P2RY6: variants seen among roughly 807,000 people sequenced by gnomAD.
The protein encoded by P2RY6 is pyrimidinergic receptor P2Y6, also known as P2Y purinoceptor 6.
P2RY6 carries 19 observed loss-of-function variants against 16.3 expected under a neutral mutation model. The observed-to-expected ratio is 1.16, with a 90% confidence interval of 0.81 to 1.71. The LOEUF is 1.71. Among genes scored for constraint, P2RY6 ranks in the 40% most tolerant of loss-of-function variants. P2RY6 has a pLI of 0.00. For missense variants in P2RY6, 389 were observed against 455.5 expected (o/e 0.85, Z 1.33); for synonymous variants, 184 against 201.5 (o/e 0.91, Z 0.74).
intron 1 of P2RY6, among the ~76,000 whole-genome samples, chr11:73,280,812 G>A (rs1452799524): frequency 6.6e-6 from 1 of 152,218 alleles, no homozygotes; most frequent in Non-Finnish European, 1.5e-5. Flanking sequence ...GGGCAGGAAT[G>A]GGAGCTGAGA....
chr11:73,290,278 G>A (rs996073303), intron 1 of P2RY6, among the ~76,000 whole-genome samples: 2 of 126,626 alleles, frequency 1.6e-5, no homozygotes, highest in African/African-American at 3.4e-5. Context: ...GAAAAGAAAG[G>A]AAGGAAAGAA....
rs1185046460 is a variant in P2RY6 at position 73,296,572 on chromosome 11, T to C, written c.54T>C (p.Cys18=). 17 of 1,614,094 alleles carry C rather than the reference T, an allele frequency of 1.1e-5. No individual in the cohort carries two copies. Among genetic ancestry groups the C allele is most frequent in the Non-Finnish European group, 1.4e-5 (16 of 1,180,042 alleles). Residue 18 remains cysteine (C), a synonymous_variant, in exon 3 of 3, where the codon TGT becomes TGC. Coordinates refer to ENST00000540124, the MANE Select transcript of P2RY6 (RefSeq NM_001277204.2). ...CTCTGGGCTTGCCACCCACCACCTG[T>C]GTCTACCGCGAGAACTTCAAGCAAC... ...GQALGLPPTT[C]VYRENFKQLL...
upstream of P2RY6, among the ~76,000 whole-genome samples, chr11:73,271,274 C>T (rs1027490502): frequency 1.3e-5 from 2 of 152,184 alleles, no homozygotes; most frequent in Non-Finnish European, 2.9e-5. Flanking sequence ...AGCCTTTCCC[C>T]CCCGGCATCA....
At chr11:73,296,233 A>AAAATATATATAT (rs57187973) in intron 2 of P2RY6, among the ~76,000 whole-genome samples, 1 of 124,514 alleles carries the variant, frequency 8.0e-6, no homozygotes, top group Admixed American at 7.8e-5. Context: ...GAAAAAAAAA[A>AAAATATATATAT]ATATATATAT....
At chr11:73,274,540 C>CAAAAAA (rs59442426) in intron 1 of P2RY6, among the ~76,000 whole-genome samples, 1,042 of 68,488 alleles carry the variant, frequency 0.015, 21 homozygotes, top group African/African-American at 0.041. Flanking sequence ...GAGACTGTCT[C>CAAAAAA]AAAAAAAAAA....
chr11:73,273,136 A>C (rs559649576), intron 1 of P2RY6, among the ~76,000 whole-genome samples: 1 of 151,320 alleles, frequency 6.6e-6, no homozygotes, highest in South Asian at 2.1e-4. Context: ...GTGACTTGTT[A>C]AGGGTGAAAG....
intron 1 of P2RY6, among the ~76,000 whole-genome samples, chr11:73,272,715 G>A (rs1863366386): frequency 6.6e-6 from 1 of 152,222 alleles, no homozygotes; most frequent in Non-Finnish European, 1.5e-5. Context: ...ACACATTGGT[G>A]CTGCGCCGTG....
intron 1 of P2RY6, among the ~76,000 whole-genome samples, chr11:73,272,719 C>T (rs144313481): frequency 5.3e-5 from 8 of 152,278 alleles, no homozygotes; most frequent in South Asian, 2.1e-4. Context: ...ATTGGTGCTG[C>T]GCCGTGCCTT....
rs1427745608 is a variant in P2RY6, at chr11:73,297,323, C to T, written c.805C>T (p.Pro269Ser). Reference sequence around the variant, plus strand: ...AGCCTACCTGGCAGTGCGCTCGACGCCGGGCGTCCCCTGCACTGTATTGGA... The same window carrying T: ...AGCCTACCTGGCAGTGCGCTCGACGTCGGGCGTCCCCTGCACTGTATTGGA... ...KTAYLAVRST[P>S]GVPCTVLEAF... The change falls in exon 3 of 3, where the codon CCG (proline) becomes TCG (serine). Residue 269 changes from proline to serine, a missense_variant. Coordinates refer to ENST00000540124, the MANE Select transcript of P2RY6 (RefSeq NM_001277204.2). 5.5e-5 allele frequency: 88 copies of T among 1,610,440 alleles called. No individual in the cohort carries two copies. Among genetic ancestry groups the T allele is most frequent in the Non-Finnish European group, 7.3e-5 (86 of 1,178,844 alleles).
upstream of P2RY6, among the ~76,000 whole-genome samples, chr11:73,267,345 C>G (rs1235887998): frequency 6.6e-6 from 1 of 152,130 alleles, no homozygotes; most frequent in Non-Finnish European, 1.5e-5. Flanking sequence ...GACAGTGAAC[C>G]CAGAGGCCCC....
intron 1 of P2RY6, among the ~76,000 whole-genome samples, chr11:73,278,391 C>T (rs1461831502): frequency 6.6e-6 from 1 of 152,144 alleles, no homozygotes; most frequent in African/African-American, 2.4e-5. Context: ...AACTCCTGAC[C>T]TCAGGTGATC....
intron 1 of P2RY6, among the ~76,000 whole-genome samples, chr11:73,289,973 G>A (rs958229172): frequency 4.6e-5 from 7 of 152,122 alleles, no homozygotes; most frequent in Non-Finnish European, 7.3e-5. Flanking sequence ...TGTAATCCCA[G>A]CACTTCGCGA....
intron 2 of P2RY6, among the ~76,000 whole-genome samples, chr11:73,296,233 AAT>A (rs1554992362): frequency 0.018 from 2,235 of 124,418 alleles, 38 homozygotes; most frequent in Non-Finnish European, 0.019. Context: ...GAAAAAAAAA[AAT>A]ATATATATAT....
At chr11:73,285,434 C>T (rs960753884) in intron 1 of P2RY6, among the ~76,000 whole-genome samples, 14 of 152,056 alleles carry the variant, frequency 9.2e-5, no homozygotes, top group Middle Eastern at 3.4e-3. Context: ...TGACCTCCTA[C>T]ATTGCACTCT....
At chr11:73,277,508 A>G (rs1231640470) in intron 1 of P2RY6, among the ~76,000 whole-genome samples, 2 of 152,216 alleles carry the variant, frequency 1.3e-5, no homozygotes, top group Non-Finnish European at 2.9e-5. Context: ...CTACAGTTTC[A>G]TAGATGCTGG....
exon 1 of P2RY6, chr11:73,264,556 C>G (rs1007470579): frequency 4.6e-5 from 7 of 152,410 alleles, no homozygotes; most frequent in Admixed American, 1.3e-4. Flanking sequence ...CTGCTGCCGC[C>G]GTCTACACGG....
rs935604288 is a variant in P2RY6, at chr11:73,289,960, G to A, written c.-120-5770G>A. On this transcript the variant is annotated intron_variant, in intron 1 of 2. Transcript: ENST00000540124. ...ATACTGGCCAGGCACGGTGGCTCAC[G>A]CCTGTAATCCCAGCACTTCGCGAGG... Among the ~76,000 whole-genome samples the A allele has an allele frequency of 7.2e-5, 11 of 152,154 alleles. 1 individual carries two copies. Among genetic ancestry groups the A allele is most frequent in the Admixed American group, 5.9e-4 (9 of 15,274 alleles).
At chr11:73,275,287 G>T (rs1268618028) in intron 1 of P2RY6, among the ~76,000 whole-genome samples, 3 of 152,174 alleles carry the variant, frequency 2.0e-5, no homozygotes. Context: ...GGGACGGAGT[G>T]GTGGCTGTCC....
intron 1 of P2RY6, among the ~76,000 whole-genome samples, chr11:73,279,696 T>A (rs947536177): frequency 1.7e-4 from 26 of 152,210 alleles, no homozygotes; most frequent in African/African-American, 6.3e-4. Context: ...GAGTCTTTCA[T>A]GCTGGTTCCA....
Sources: allele counts gnomAD v4.1 joint callset (sites outside exome capture counted in the v4.1 genomes callset), GRCh38; gene constraint gnomAD v4.1.1; transcripts MANE v1.5; gene names NCBI Gene and HGNC (gene_info 2026-07-23, HGNC 2026-07-21).